Variants in PLCXD3 observed in about 807,000 individuals in gnomAD.
PLCXD3 encodes phosphatidylinositol specific phospholipase C X domain containing 3, also known as PI-PLC X domain-containing protein 3.
A neutral mutation model predicts 25.5 loss-of-function variants in PLCXD3; 19 were observed. The ratio of observed to expected loss-of-function variants is 0.75; its 90% CI spans 0.52 to 1.09. The LOEUF is 1.09. PLCXD3 is among the 50% of genes least tolerant of loss of function. PLCXD3 has a pLI of 0.00. For synonymous variants in PLCXD3, 174 were observed against 137.6 expected (o/e 1.26, Z -1.85); for missense variants, 411 against 388.1 (o/e 1.06, Z -0.50).
At chr5:41,377,906 A>T (rs940225037) in intron 2 of PLCXD3, among the ~76,000 whole-genome samples, 1 of 152,116 alleles carries the variant, frequency 6.6e-6, no homozygotes, top group East Asian at 1.9e-4. Context: ...TCAAACTCCA[A>T]ACTGTGCAGA....
intron 1 of PLCXD3, among the ~76,000 whole-genome samples, chr5:41,435,582 G>T (rs318055): frequency 0.01 from 1,539 of 152,280 alleles, 32 homozygotes; most frequent in African/African-American, 0.035. Context: ...GGAAAAGTCT[G>T]CTGGCCTCTC....
intron 1 of PLCXD3, among the ~76,000 whole-genome samples, chr5:41,429,544 A>G (rs1747043233): frequency 6.6e-6 from 1 of 152,190 alleles, no homozygotes; most frequent in African/African-American, 2.4e-5. Context: ...TGTGTCTTAT[A>G]GGACTGGGAT....
At chr5:41,333,110 T>C (rs1326304475) in intron 2 of PLCXD3, among the ~76,000 whole-genome samples, 1 of 151,260 alleles carries the variant, frequency 6.6e-6, no homozygotes, top group Non-Finnish European at 1.5e-5. Flanking sequence ...TAAAATAATA[T>C]AAAATAAAAG....
chr5:41,485,634 C>A lies in PLCXD3; in HGVS notation c.103+24790G>T, dbSNP rs141279455. On this transcript the variant is annotated intron_variant, in intron 1 of 2. Transcript: ENST00000377801. ...CTGAGTTTTTGTGGAAATTTGAACG[C>A]CAGAACAAAGCACCATGCTGCAGAT... is the stretch of plus-strand genomic sequence containing the variant. Among the ~76,000 whole-genome samples, 1,093 of 152,226 alleles carry A rather than the reference C, an allele frequency of 7.2e-3. 12 individuals are homozygous for A. Among genetic ancestry groups the A allele is most frequent in the African/African-American group, 0.025 (1,026 of 41,542 alleles).
chr5:41,493,746 C>T (rs1486802870), intron 1 of PLCXD3, among the ~76,000 whole-genome samples: 3 of 152,220 alleles, frequency 2.0e-5, no homozygotes, highest in African/African-American at 7.2e-5. Flanking sequence ...GAGCCAGGTG[C>T]CGGGTATAAT....
intron 1 of PLCXD3, among the ~76,000 whole-genome samples, chr5:41,457,526 G>A (rs1277500759): frequency 6.6e-6 from 1 of 151,866 alleles, no homozygotes; most frequent in East Asian, 1.9e-4. Context: ...TAGATGCATA[G>A]CCCACTGCTG....
intron 1 of PLCXD3, among the ~76,000 whole-genome samples, chr5:41,456,303 G>C (rs1747751130): frequency 6.6e-6 from 1 of 151,860 alleles, no homozygotes. Flanking sequence ...TCTGAATCCT[G>C]TTTGTAATCT....
intron 1 of PLCXD3, among the ~76,000 whole-genome samples, chr5:41,489,148 G>A (rs1238750805): frequency 6.6e-6 from 1 of 151,732 alleles, no homozygotes; most frequent in Non-Finnish European, 1.5e-5. Flanking sequence ...TTCTACATAT[G>A]GCTAGCCAGT....
intron 2 of PLCXD3, among the ~76,000 whole-genome samples, chr5:41,324,676 G>A (rs891128241): frequency 6.6e-6 from 1 of 152,154 alleles, no homozygotes; most frequent in Non-Finnish European, 1.5e-5. Context: ...AGCCACTCTG[G>A]TTGAACCCAC....
At chr5:41,478,550 T>C (rs1453368456) in intron 1 of PLCXD3, among the ~76,000 whole-genome samples, 2 of 152,212 alleles carry the variant, frequency 1.3e-5, no homozygotes, top group Non-Finnish European at 2.9e-5. Context: ...TCATAAAATG[T>C]ATTTACTAAA....
At chr5:41,477,636 A>G (rs780342482) in intron 1 of PLCXD3, among the ~76,000 whole-genome samples, 26 of 152,014 alleles carry the variant, frequency 1.7e-4, no homozygotes, top group Non-Finnish European at 3.5e-4. Flanking sequence ...GTCACTTCCA[A>G]ACTCTGGATT....
At chr5:41,373,138 C>T (rs570038351) in intron 2 of PLCXD3, among the ~76,000 whole-genome samples, 1 of 152,096 alleles carries the variant, frequency 6.6e-6, no homozygotes, top group Non-Finnish European at 1.5e-5. Context: ...CTAACTGCCA[C>T]TAAAAGACTT....
rs372452597 is a variant in PLCXD3, at chr5:41,377,437, A to G, written c.812+4389T>C. On this transcript the variant is annotated intron_variant, in intron 2 of 2. Coordinates refer to ENST00000377801, the MANE Select transcript of PLCXD3 (RefSeq NM_001005473.3). Reference sequence around the variant, plus strand: ...TTGCTGCTTAAAAATTCTGATAGGTAGTATGACTGCATTTTTTAAATTAAG... The same window carrying G: ...TTGCTGCTTAAAAATTCTGATAGGTGGTATGACTGCATTTTTTAAATTAAG... Among the ~76,000 whole-genome samples the G allele has an allele frequency of 1.2e-4, 18 of 152,214 alleles. 1 individual carries two copies. The South Asian group carries it at 3.7e-3, about 32-fold the overall frequency.
chr5:41,502,293 CAA>C (rs1748968114), intron 1 of PLCXD3, among the ~76,000 whole-genome samples: 1 of 152,002 alleles, frequency 6.6e-6, no homozygotes, highest in Admixed American at 6.6e-5. Flanking sequence ...CTGTTTGCAT[CAA>C]GTTTTTAAAT....
intron 1 of PLCXD3, among the ~76,000 whole-genome samples, chr5:41,385,395 C>T (rs1359400721): frequency 6.6e-6 from 1 of 152,064 alleles, no homozygotes; most frequent in Non-Finnish European, 1.5e-5. Context: ...TTCCATTTGC[C>T]CTCTCTCCTC....
intron 1 of PLCXD3, among the ~76,000 whole-genome samples, chr5:41,427,799 A>C (rs983155807): frequency 6.6e-6 from 1 of 152,144 alleles, no homozygotes; most frequent in Non-Finnish European, 1.5e-5. Flanking sequence ...TTCACATGGG[A>C]ACAACTCTTA....
intron 1 of PLCXD3, among the ~76,000 whole-genome samples, chr5:41,418,450 G>T (rs1429702384): frequency 6.6e-6 from 1 of 152,142 alleles, no homozygotes; most frequent in East Asian, 1.9e-4. Context: ...AAAGCAGAGG[G>T]ATAAGAAGTA....
At chr5:41,343,842 G>C (rs559816957) in intron 2 of PLCXD3, among the ~76,000 whole-genome samples, 9 of 152,176 alleles carry the variant, frequency 5.9e-5, no homozygotes, top group Admixed American at 2.6e-4. Context: ...CTATACACAA[G>C]GCCAACATTT....
chr5:41,421,260 A>T (rs62360428), intron 1 of PLCXD3, among the ~76,000 whole-genome samples: 15,614 of 152,256 alleles, frequency 0.1, 925 homozygotes, highest in Non-Finnish European at 0.12. Context: ...ACTATACATT[A>T]TTCAATCCCT....
Sources: gnomAD v4.1 joint callset for allele counts (sites outside exome capture counted in the v4.1 genomes callset) on GRCh38, gnomAD v4.1.1 for gene constraint, MANE v1.5 for transcripts, NCBI Gene and HGNC (gene_info 2026-07-23, HGNC 2026-07-21) for gene names.